KY: variants seen among roughly 807,000 people sequenced by gnomAD.
KY encodes kyphoscoliosis peptidase.
A neutral mutation model predicts 76.1 loss-of-function variants in KY; 43 were observed. The observed-to-expected ratio is 0.57, with a 90% CI of 0.44 to 0.73. The LOEUF is 0.73. Ranked by LOEUF, KY falls within the 30% of genes least tolerant of loss-of-function variation. KY has a pLI of 0.00. For missense variants in KY, 722 were observed against 828.9 expected (o/e 0.87, Z 1.58); for synonymous variants, 277 against 326.2 (o/e 0.85, Z 1.63).
At chr3:134,628,810 G>T (rs1377678370) in intron 4 of KY, among the ~76,000 whole-genome samples, 1 of 152,102 alleles carries the variant, frequency 6.6e-6, no homozygotes, top group African/African-American at 2.4e-5. Flanking sequence ...CTTGCCCAAG[G>T]TCACACAGCT....
intron 10 of KY, chr3:134,608,265 CT>C: frequency 8.3e-7 from 1 of 1,200,242 alleles, no homozygotes; most frequent in Non-Finnish European, 1.1e-6. Context: ...TGACGTAGTC[CT>C]TTTCCCTGCT....
chr3:134,604,509 T>G (rs1959111177), intron 10 of KY, 35 bp from the exon 11 acceptor site: 1 of 1,552,272 alleles, frequency 6.4e-7, no homozygotes, highest in Non-Finnish European at 8.8e-7. Flanking sequence ...CAGAGATGGG[T>G]CCAGCACGTG....
intron 3 of KY, among the ~76,000 whole-genome samples, chr3:134,639,192 C>T (rs1479093854): frequency 6.6e-6 from 1 of 151,662 alleles, no homozygotes; most frequent in Non-Finnish European, 1.5e-5. Flanking sequence ...TGCTGTGATT[C>T]CACCCAGGAT....
intron 3 of KY, among the ~76,000 whole-genome samples, chr3:134,634,433 G>A (rs1964647236): frequency 2.0e-5 from 3 of 152,122 alleles, no homozygotes; most frequent in African/African-American, 4.8e-5. Context: ...ATAAAAAATA[G>A]ACTCACACAA....
chr3:134,619,606 T>C (rs1962226532), intron 7 of KY, among the ~76,000 whole-genome samples: 1 of 152,126 alleles, frequency 6.6e-6, no homozygotes, highest in Admixed American at 6.5e-5. Context: ...ACTCATCCCG[T>C]TTTCCTGCAG....
intron 2 of KY, among the ~76,000 whole-genome samples, chr3:134,646,257 C>A (rs889117970): frequency 6.6e-6 from 1 of 152,160 alleles, no homozygotes; most frequent in African/African-American, 2.4e-5. Flanking sequence ...AGCTGATGGC[C>A]CCTGTAGCAA....
In KY at chr3:134,608,782, T is replaced by G. The variant is rs748199889; in HGVS notation, c.957A>C (p.Pro319=). Residue 319 remains proline, a synonymous_variant, in exon 10 of 11, where the codon CCA becomes CCC. Coordinates refer to ENST00000423778, the MANE Select transcript of KY (RefSeq NM_178554.6). ...HPALFIEDHF[P]DNKNWQLLKP... is the part of the protein sequence containing the mutation. ...TTAGCAGCTGCCAGTTCTTGTTGTC[T>G]GGGAAGTGGTCCTCGATGAACAGTG... is the stretch of plus-strand genomic sequence containing the variant. The G allele has an allele frequency of 6.2e-6, 10 of 1,614,002 alleles. No individual in the cohort carries two copies. The highest frequency in any genetic ancestry group is 8.5e-6 in the Non-Finnish European group (10 of 1,179,880).
chr3:134,644,128 C>T (rs1352777540), intron 2 of KY, among the ~76,000 whole-genome samples: 3 of 152,160 alleles, frequency 2.0e-5, no homozygotes. Flanking sequence ...CCCGGCCGAG[C>T]CTCCTGCTTC....
chr3:134,608,843 G>C lies in KY; in HGVS notation c.900-4C>G. 6.2e-7 allele frequency: 1 copy of C among 1,604,304 alleles called. No homozygotes were observed. Among genetic ancestry groups the C allele is most frequent in the Non-Finnish European group, 8.5e-7 (1 of 1,173,260 alleles). On this transcript the variant is annotated splice_polypyrimidine_tract_variant and splice_region_variant and intron_variant, in intron 9 of 10. Transcript: ENST00000423778. ...GAGGAAGTAGAACTCATTGTAGCTG[G>C]AGCAGAGACAAGCTGGTTAGCAGCC...
At position 134,647,446 on chromosome 3, in the gene KY, T is replaced by G; in HGVS notation, c.188A>C (p.Asn63Thr). 6.2e-7 allele frequency: 1 copy of G among 1,610,452 alleles called. No individual in the cohort carries two copies. Among genetic ancestry groups the G allele is most frequent in the Admixed American group, 1.7e-5 (1 of 59,798 alleles). ...GVRRWQKLEG[N>T]DFHENLVEKQ... is the part of the protein sequence containing the mutation. ...AAAAGAGAATTTACCGTGAAAGTCA[T>G]TTCCTTCTAATTTCTGCCATCTTCG... The change falls in exon 2 of 11, where the codon AAT (asparagine) becomes ACT (threonine). Residue 63 changes from asparagine to threonine, a missense_variant. Asn to Thr is a moderately conservative substitution (Grantham distance 65). Coordinates refer to ENST00000423778, the MANE Select transcript of KY (RefSeq NM_178554.6).
In KY at chr3:134,629,489, C is replaced by A. The variant is rs1963932705; in HGVS notation, c.337+132G>T. On this transcript the variant is annotated intron_variant, in intron 4 of 10. Coordinates refer to ENST00000423778, the MANE Select transcript of KY (RefSeq NM_178554.6). Reference sequence around the variant, plus strand: ...CAGGATAAAGCTGTCATGCTTCTGCCTTTTCCCAGTTTGCAGGCCCATGTC... The same window carrying A: ...CAGGATAAAGCTGTCATGCTTCTGCATTTTCCCAGTTTGCAGGCCCATGTC... 3 of 666,544 alleles carry A rather than the reference C, an allele frequency of 4.5e-6. No homozygotes were observed. In the Admixed American group the frequency reaches 7.5e-5, roughly 17 times the overall value. 41.3% of individuals were successfully genotyped at this position (666,544 alleles called of 1,614,324 possible).
chr3:134,644,790 C>T (rs1202197272), intron 2 of KY, among the ~76,000 whole-genome samples: 2 of 152,222 alleles, frequency 1.3e-5, no homozygotes, highest in Non-Finnish European at 2.9e-5. Context: ...TGTGATCCAC[C>T]TGACAGAGTC....
At position 134,601,723 on chromosome 3, in the gene KY, C is replaced by G. The variant is rs1243235681; in HGVS notation, c.*1856G>C. Among the ~76,000 whole-genome samples the G allele has an allele frequency of 6.6e-6, 1 of 152,232 alleles. No homozygotes were observed. The highest frequency in any genetic ancestry group is 1.5e-5 in the Non-Finnish European group (1 of 68,036). ...GTTCAGCCCCCCAGGGGAGACACCC[C>G]TTTTGCTCGAGGCCGCCGGCCTGTT... On this transcript the variant is annotated 3_prime_UTR_variant, in exon 11 of 11. Coordinates refer to ENST00000423778, the MANE Select transcript of KY (RefSeq NM_178554.6).
intron 3 of KY, among the ~76,000 whole-genome samples, chr3:134,643,030 G>A (rs547066425): frequency 6.6e-6 from 1 of 152,328 alleles, no homozygotes; most frequent in South Asian, 2.1e-4. Context: ...AATGTTGAAT[G>A]TTGAATAGTG....
At chr3:134,641,272 T>G (rs2107992806) in intron 3 of KY, 1 of 152,336 alleles carries the variant, frequency 6.6e-6, no homozygotes, top group Non-Finnish European at 1.5e-5. Flanking sequence ...CCAGAATCCC[T>G]GGAACCTGTG....
In KY at chr3:134,608,793, C is replaced by A; in HGVS notation, c.946G>T (p.Asp316Tyr). 2 of 1,613,924 alleles carry A rather than the reference C, an allele frequency of 1.2e-6. No homozygotes were observed. The highest frequency in any genetic ancestry group is 2.2e-5 in the South Asian group (2 of 91,074). ...CAGTTCTTGTTGTCTGGGAAGTGGT[C>A]CTCGATGAACAGTGCAGGGTGGGTG... The part of the protein sequence containing the change: ...FLTHPALFIE[D>Y]HFPDNKNWQL... Residue 316 changes from aspartate (D) to tyrosine (Y), a missense_variant, in exon 10 of 11, where the codon GAC becomes TAC. Asp to Tyr is a radical substitution (Grantham distance 160, BLOSUM62 -3). Coordinates refer to ENST00000423778, the MANE Select transcript of KY (RefSeq NM_178554.6).
chr3:134,647,615 G>T, intron 1 of KY, 118 bp from the exon 2 acceptor site: 1 of 618,360 alleles, frequency 1.6e-6, no homozygotes. Flanking sequence ...TGGAATCTGA[G>T]AGAGGCTACC....
At chr3:134,621,937 A>C (rs1156666753) in intron 6 of KY, among the ~76,000 whole-genome samples, 1 of 152,234 alleles carries the variant, frequency 6.6e-6, no homozygotes, top group Non-Finnish European at 1.5e-5. Flanking sequence ...GAAGATATAC[A>C]AATGGCCAAT....
chr3:134,605,621 C>T (rs1298848990), intron 10 of KY, among the ~76,000 whole-genome samples: 1 of 152,174 alleles, frequency 6.6e-6, no homozygotes, highest in Non-Finnish European at 1.5e-5. Context: ...GCTGTCCCAA[C>T]CCTGTCACAT....
Sources: allele counts gnomAD v4.1 joint callset (sites outside exome capture counted in the v4.1 genomes callset), GRCh38; gene constraint gnomAD v4.1.1; transcripts MANE v1.5; gene names NCBI Gene and HGNC (gene_info 2026-07-23, HGNC 2026-07-21).